Variants in NUCB1 observed in about 807,000 individuals in gnomAD.
NUCB1 encodes nucleobindin 1.
In NUCB1, 47 loss-of-function variants were observed where a neutral mutation model predicts 61.2. The observed-to-expected ratio is 0.77, with a 90% confidence interval of 0.61 to 0.98. The LOEUF is 0.98. NUCB1 is among the 50% of genes least tolerant of loss of function. The probability of loss-of-function intolerance (pLI) is 0.00; values close to 1 mark genes in which losing one functional copy is unlikely to be tolerated. For synonymous variants in NUCB1, 234 were observed against 243.1 expected (o/e 0.96, Z 0.35); for missense variants, 583 against 605.3 (o/e 0.96, Z 0.39).
chr19:48,903,111 T>C (rs2037369849), intron 2 of NUCB1, among the ~76,000 whole-genome samples: 2 of 152,060 alleles, frequency 1.3e-5, no homozygotes, highest in Non-Finnish European at 1.5e-5. Context: ...CCTGGCCTTC[T>C]CTCTTTTGTA....
At position 48,921,155 on chromosome 19, in the gene NUCB1, C is replaced by A; in HGVS notation, c.1004C>A (p.Thr335Lys). 1 of 1,605,310 alleles carries A rather than the reference C, an allele frequency of 6.2e-7. No individual in the cohort carries two copies. Among genetic ancestry groups the A allele is most frequent in the Admixed American group, 1.7e-5 (1 of 59,336 alleles). Residue 335 changes from threonine (T) to lysine (K), a missense_variant and splice_region_variant, in exon 11 of 13, where the codon ACA becomes AAA. Thr to Lys is a moderately conservative substitution (Grantham distance 78). Coordinates refer to ENST00000405315, the MANE Select transcript of NUCB1 (RefSeq NM_006184.6). ...EFGDTGEGWE[T>K]VEMHPAYTEE... ...ATGGCCCCTGTGCCTGCCCTGCAGA[C>A]AGTGGAGATGCACCCTGCCTACACC...
chr19:48,902,438 T>TTTTTTTTTG (rs374146313), intron 2 of NUCB1, among the ~76,000 whole-genome samples: 1 of 138,692 alleles, frequency 7.2e-6, no homozygotes, highest in African/African-American at 2.9e-5. Flanking sequence ...TTTTTTTTTT[T>TTTTTTTTTG]ATTTTTGCTG....
Position 48,905,894 on chromosome 19 carries a change from GGGCAGGGCGGGAGGGACA to G in NUCB1, c.376+17_376+34del. 1 of 1,610,236 alleles carries G rather than the reference GGGCAGGGCGGGAGGGACA, an allele frequency of 6.2e-7. No homozygotes were observed. Among genetic ancestry groups the G allele is most frequent in the East Asian group, 2.2e-5 (1 of 44,788 alleles). ...CGCCGAGCAGGATCCCAGTGAGCAG[GGGCAGGGCGGGAGGGACA>G]GGCAGGGAGGGGTGGGGAAGGGTGG... On this transcript the variant is annotated intron_variant, in intron 4 of 12. Coordinates refer to ENST00000405315, the MANE Select transcript of NUCB1 (RefSeq NM_006184.6).
intron 10 of NUCB1, among the ~76,000 whole-genome samples, 166 bp downstream of exon 10, chr19:48,919,452 C>CTCATTTAT (rs1555792216): frequency 7.0e-6 from 1 of 141,854 alleles, no homozygotes; most frequent in African/African-American, 2.7e-5. Flanking sequence ...CTCTAGGACT[C>CTCATTTAT]TTATTTATTT....
At chr19:48,919,452 C>CTTATTTATTTAT (rs35642334) in intron 10 of NUCB1, among the ~76,000 whole-genome samples, 166 bp downstream of exon 10, 50 of 141,936 alleles carry the variant, frequency 3.5e-4, no homozygotes, top group African/African-American at 7.5e-4. Flanking sequence ...CTCTAGGACT[C>CTTATTTATTTAT]TTATTTATTT....
chr19:48,911,400 CTTTTCTTTTTTTTTT>C (rs929802247), intron 5 of NUCB1, 148 bp downstream of exon 5: 2 of 392,800 alleles, frequency 5.1e-6, no homozygotes, highest in African/African-American at 4.6e-5. Context: ...CGTTTCTTTT[CTTTTCTTTTTTTTTT>C]TTTTTTTGAG....
rs1451314868 is a variant in NUCB1, at chr19:48,921,859, G to A, written c.1206G>A (p.Gln402=). 6.2e-7 allele frequency: 1 copy of A among 1,612,228 alleles called. No homozygotes were observed. The highest frequency in any genetic ancestry group is 1.7e-4 in the Middle Eastern group (1 of 6,034). Residue 402 remains glutamine (Q), a synonymous_variant, in exon 12 of 13, where the codon CAG becomes CAA. Coordinates refer to ENST00000405315, the MANE Select transcript of NUCB1 (RefSeq NM_006184.6). ...TGCACATGGAGCAGCGGAAGCAGCAGCAGCAGCAGCAGCAAGGCCACAAGG... is the reference window on the plus strand; with the variant it reads ...TGCACATGGAGCAGCGGAAGCAGCAACAGCAGCAGCAGCAAGGCCACAAGG... ...AVLHMEQRKQ[Q]QQQQQGHKAP...
chr19:48,916,088 C>T (rs2037536786), intron 7 of NUCB1, among the ~76,000 whole-genome samples: 1 of 152,130 alleles, frequency 6.6e-6, no homozygotes, highest in Admixed American at 6.6e-5. Flanking sequence ...CCCCTGCTCT[C>T]TAGCAACCAC....
At position 48,911,594 on chromosome 19, in the gene NUCB1, C is replaced by T. The variant is rs192544478; in HGVS notation, c.480+342C>T. Among the ~76,000 whole-genome samples, 333 of 151,878 alleles carry T rather than the reference C, an allele frequency of 2.2e-3. 1 individual carries two copies. The highest frequency in any genetic ancestry group is 3.1e-3 in the Non-Finnish European group (211 of 67,930). ...AAAATTTTTGTATTTTTAGTAGAGACAGGGTTTCACCATGTTGGCCAGGCT... is the reference window on the plus strand; with the variant it reads ...AAAATTTTTGTATTTTTAGTAGAGATAGGGTTTCACCATGTTGGCCAGGCT... On this transcript the variant is annotated intron_variant, in intron 5 of 12. Coordinates refer to ENST00000405315, the MANE Select transcript of NUCB1 (RefSeq NM_006184.6).
chr19:48,911,243 G>A lies in NUCB1; in HGVS notation c.471G>A (p.Leu157=), dbSNP rs201559921. The change falls in exon 5 of 13, where the codon CTG becomes CTA. Residue 157 remains leucine (L), a synonymous_variant. Transcript: ENST00000405315. The part of the protein sequence containing the change: ...HTFEARDLEL[L]IQTATRDLAQ... ...TCGAGGCCCGCGACCTGGAGCTGCTGATCCAGACGGTAATGGGAGTGGGTC... is the reference window on the plus strand; with the variant it reads ...TCGAGGCCCGCGACCTGGAGCTGCTAATCCAGACGGTAATGGGAGTGGGTC... The A allele has an allele frequency of 1.3e-4, 202 of 1,612,992 alleles. No individual in the cohort carries two copies. In the East Asian group the frequency reaches 2.6e-3, roughly 20 times the overall value.
In NUCB1 at chr19:48,922,639, G is replaced by A. The variant is rs558335982; in HGVS notation, c.*215G>A. Reference sequence around the variant, plus strand: ...CTGTGGCTCTTCCCTTCTGTCCTCCGAGGGGCTTGCCTTCTCTCGTGTCCA... The same window carrying A: ...CTGTGGCTCTTCCCTTCTGTCCTCCAAGGGGCTTGCCTTCTCTCGTGTCCA... On this transcript the variant is annotated 3_prime_UTR_variant, in exon 13 of 13. Coordinates refer to ENST00000405315, the MANE Select transcript of NUCB1 (RefSeq NM_006184.6). 10 of 544,320 alleles carry A rather than the reference G, an allele frequency of 1.8e-5. No individual in the cohort carries two copies. The highest frequency in any genetic ancestry group is 5.0e-4 in the Middle Eastern group (1 of 2,000). The allele number at this position is 544,320 out of a possible 1,614,324, so 33.7% of individuals were successfully genotyped here.
chr19:48,907,541 C>G (rs1039280633), intron 4 of NUCB1, among the ~76,000 whole-genome samples: 2 of 152,184 alleles, frequency 1.3e-5, no homozygotes, highest in African/African-American at 4.8e-5. Context: ...TTCCAAAGTG[C>G]TGGGATTACA....
intron 7 of NUCB1, chr19:48,918,356 C>A: frequency 5.0e-6 from 1 of 199,916 alleles, no homozygotes. Flanking sequence ...GAGAGGCTCC[C>A]CTCACAACTG....
At chr19:48,918,442 T>G (rs369822729) in intron 7 of NUCB1, 10 of 401,418 alleles carry the variant, frequency 2.5e-5, no homozygotes, top group African/African-American at 1.0e-4. Context: ...TCCAGAGCAC[T>G]GAATGCCAGG....
At position 48,922,346 on chromosome 19, in the gene NUCB1, T is replaced by C. The variant is rs2122215412; in HGVS notation, c.1308T>C (p.Gly436=). ...ATGTACCTGTCCCAGCTCCAGCCGGTGACCAGAAGGAGGTGGACACTTCAG... is the reference window on the plus strand; with the variant it reads ...ATGTACCTGTCCCAGCTCCAGCCGGCGACCAGAAGGAGGTGGACACTTCAG... ...TDDVPVPAPA[G]DQKEVDTSEK... Residue 436 remains glycine (G), a synonymous_variant, in exon 13 of 13, where the codon GGT becomes GGC. Transcript: ENST00000405315. The C allele has an allele frequency of 3.1e-6, 5 of 1,613,770 alleles. No homozygotes were observed. In the East Asian group the frequency reaches 1.1e-4, roughly 36 times the overall value.
At position 48,900,858 on chromosome 19, in the gene NUCB1, T is replaced by C; in HGVS notation, c.62T>C (p.Leu21Pro). The change falls in exon 2 of 13, where the codon CTT becomes CCT. Residue 21 changes from leucine (L) to proline (P), a missense_variant. Physicochemically the swap from Leu to Pro is moderately conservative, Grantham distance 98. Transcript: ENST00000405315. ...TTGCCGCTGCTGCTGCTGCTCCTGC[T>C]TCGCGCCGTGCTGGCTGTCCCCCTG... ...LLLPLLLLLL[L>P]RAVLAVPLER... 2 of 1,613,930 alleles carry C rather than the reference T, an allele frequency of 1.2e-6. No individual in the cohort carries two copies. The highest frequency in any genetic ancestry group is 1.7e-6 in the Non-Finnish European group (2 of 1,180,014).
At position 48,921,135 on chromosome 19, in the gene NUCB1, C is replaced by T. The variant is rs1568589451; in HGVS notation, c.1003-19C>T. The T allele has an allele frequency of 6.3e-7, 1 of 1,590,846 alleles. No homozygotes were observed. Among genetic ancestry groups the T allele is most frequent in the Non-Finnish European group, 8.6e-7 (1 of 1,166,000 alleles). On this transcript the variant is annotated intron_variant, in intron 10 of 12. Coordinates refer to ENST00000405315, the MANE Select transcript of NUCB1 (RefSeq NM_006184.6). ...AGGTTGGACCTGTGCCCCTGATGGC[C>T]CCTGTGCCTGCCCTGCAGACAGTGG... is the stretch of plus-strand genomic sequence containing the variant.
In NUCB1 at chr19:48,914,152, T is replaced by A. The variant is rs188865284; in HGVS notation, c.757+588T>A. On this transcript the variant is annotated intron_variant, in intron 7 of 12. Coordinates refer to ENST00000405315, the MANE Select transcript of NUCB1 (RefSeq NM_006184.6). Reference sequence around the variant, plus strand: ...CACCATGCCCGGCTAACTTTTGTATTTTTAGTAGAGATGGGGTTTCACCAT... The same window carrying A: ...CACCATGCCCGGCTAACTTTTGTATATTTAGTAGAGATGGGGTTTCACCAT... Among the ~76,000 whole-genome samples, 12 of 151,950 alleles carry A rather than the reference T, an allele frequency of 7.9e-5. No individual in the cohort carries two copies. In the East Asian group the frequency reaches 1.5e-3, roughly 20 times the overall value.
intron 5 of NUCB1, 45 bp downstream of exon 5, chr19:48,911,297 C>A: frequency 7.2e-7 from 1 of 1,381,570 alleles, no homozygotes; most frequent in Non-Finnish European, 1.0e-6. Flanking sequence ...GGTAGCTTTG[C>A]GGAAGGGGAG....
Sources: gnomAD v4.1 joint callset for allele counts (sites outside exome capture counted in the v4.1 genomes callset) on GRCh38, gnomAD v4.1.1 for gene constraint, MANE v1.5 for transcripts, NCBI Gene and HGNC (gene_info 2026-07-23, HGNC 2026-07-21) for gene names.